UBR3: variants seen among roughly 807,000 people sequenced by gnomAD.
UBR3 encodes the protein ubiquitin protein ligase E3 component n-recognin 3, also known as E3 ubiquitin-protein ligase UBR3.
A neutral mutation model predicts 243.2 loss-of-function variants in UBR3; 85 were observed. The ratio of observed to expected loss-of-function variants is 0.35; its 90% CI spans 0.29 to 0.42. The LOEUF is 0.42. UBR3 is among the 10% of genes least tolerant of loss of function. The pLI is 1.00. For synonymous variants in UBR3, 748 were observed against 799.8 expected (o/e 0.94, Z 1.09); for missense variants, 1,686 against 2,300.8 (o/e 0.73, Z 5.47).
intron 28 of UBR3, 92 bp from the exon 29 acceptor site, chr2:170,008,712 C>T: frequency 1.6e-5 from 10 of 623,900 alleles, no homozygotes; most frequent in Admixed American, 3.6e-5. Flanking sequence ...TTTTAATTTC[C>T]TACTATGTTC....
At chr2:170,044,089 T>C (rs1209688947) in intron 32 of UBR3, among the ~76,000 whole-genome samples, 1 of 152,110 alleles carries the variant, frequency 6.6e-6, no homozygotes, top group East Asian at 1.9e-4. Flanking sequence ...GGTGGAGAGT[T>C]GGGGAGATAA....
At chr2:169,891,330 A>G in intron 6 of UBR3, 99 bp downstream of exon 6, 1 of 807,044 alleles carries the variant, frequency 1.2e-6, no homozygotes, top group Non-Finnish European at 2.0e-6. Context: ...CTGACATCAA[A>G]GCTGTTTGAA....
intron 33 of UBR3, among the ~76,000 whole-genome samples, chr2:170,060,003 A>G (rs2091425470): frequency 1.3e-5 from 2 of 152,356 alleles, no homozygotes; most frequent in East Asian, 1.9e-4. Flanking sequence ...GCACAGTAAC[A>G]TGAACGAAAC....
At chr2:170,066,509 C>T (rs1250871201) in intron 35 of UBR3, among the ~76,000 whole-genome samples, 1 of 71,516 alleles carries the variant, frequency 1.4e-5, no homozygotes. Flanking sequence ...TCATGATTAT[C>T]TAGCCCCCCC....
At chr2:169,851,851 A>C (rs1226666506) in intron 1 of UBR3, among the ~76,000 whole-genome samples, 2 of 149,926 alleles carry the variant, frequency 1.3e-5, no homozygotes, top group African/African-American at 2.4e-5. Context: ...AAAAAAAAAA[A>C]AAACAACAGT....
chr2:169,883,993 C>T (rs1309735638), intron 5 of UBR3, among the ~76,000 whole-genome samples: 3 of 151,962 alleles, frequency 2.0e-5, no homozygotes, highest in African/African-American at 7.3e-5. Flanking sequence ...CCACCACACC[C>T]AGCTAATTTT....
intron 10 of UBR3, among the ~76,000 whole-genome samples, chr2:169,908,806 G>A (rs2105335496): frequency 6.7e-6 from 1 of 149,926 alleles, no homozygotes; most frequent in East Asian, 2.0e-4. Context: ...ACCTTCAGTA[G>A]GAAAGTGATT....
At chr2:169,998,060 A>G (rs2089562156) in intron 26 of UBR3, among the ~76,000 whole-genome samples, 1 of 151,202 alleles carries the variant, frequency 6.6e-6, no homozygotes, top group African/African-American at 2.4e-5. Context: ...AATTTTTATC[A>G]TTTTTAATTA....
At chr2:169,878,500 C>T (rs1187090144) in intron 4 of UBR3, 25 bp from the exon 5 acceptor site, 2 of 1,545,900 alleles carry the variant, frequency 1.3e-6, no homozygotes, top group Non-Finnish European at 1.7e-6. Context: ...CTATGAAGGA[C>T]AACTATTTTT....
chr2:169,890,563 A>ATATATATATATGTGTG (rs1255881148), intron 5 of UBR3, among the ~76,000 whole-genome samples: 21 of 83,846 alleles, frequency 2.5e-4, no homozygotes, highest in East Asian at 6.0e-4. Context: ...ATATATATAT[A>ATATATATATATGTGTG]TGTGTATATA....
At position 170,042,267 on chromosome 2, in the gene UBR3, A is replaced by G. The variant is rs878930789; in HGVS notation, c.4660+1282A>G. The stretch of plus-strand genomic sequence containing the variant: ...GCTTCCTTCACTTAGCATGTTTTCA[A>G]GGTTTATCCATGTTATGGCATGTAT... On this transcript the variant is annotated intron_variant, in intron 32 of 38. Coordinates refer to ENST00000272793, the MANE Select transcript of UBR3 (RefSeq NM_172070.4). 7.9e-5 allele frequency among the ~76,000 whole-genome samples: 12 copies of G among 152,040 alleles called. 1 individual carries two copies. The highest frequency in any genetic ancestry group is 7.9e-4 in the Admixed American group (12 of 15,256).
At chr2:169,868,634 A>C (rs1160443729) in intron 1 of UBR3, among the ~76,000 whole-genome samples, 1 of 151,980 alleles carries the variant, frequency 6.6e-6, no homozygotes, top group Non-Finnish European at 1.5e-5. Flanking sequence ...ATTCACTTTT[A>C]GTGATAATCA....
chr2:170,077,081 T>C, intron 36 of UBR3: 1 of 381,482 alleles, frequency 2.6e-6, no homozygotes, highest in Non-Finnish European at 5.1e-6. Context: ...GACCGAATTT[T>C]TTTTTCCATT....
chr2:169,918,882 C>G (rs1359018516), intron 11 of UBR3, among the ~76,000 whole-genome samples: 6 of 152,066 alleles, frequency 3.9e-5, no homozygotes, highest in Non-Finnish European at 8.8e-5. Flanking sequence ...ATAAAACAGT[C>G]CCTGACTTAA....
chr2:169,987,021 T>A (rs2089037267), intron 25 of UBR3, among the ~76,000 whole-genome samples: 1 of 152,144 alleles, frequency 6.6e-6, no homozygotes, highest in Non-Finnish European at 1.5e-5. Context: ...GGTTTCACAA[T>A]TTTTTTCTTT....
chr2:170,063,288 A>G (rs773979723), intron 35 of UBR3, among the ~76,000 whole-genome samples: 1 of 152,190 alleles, frequency 6.6e-6, no homozygotes, highest in Non-Finnish European at 1.5e-5. Flanking sequence ...TAATAGAAGG[A>G]GGAAATACAG....
intron 8 of UBR3, among the ~76,000 whole-genome samples, chr2:169,902,105 A>T (rs2084847291): frequency 6.6e-6 from 1 of 152,150 alleles, no homozygotes; most frequent in South Asian, 2.1e-4. Flanking sequence ...TCCACTGTCT[A>T]ACTATCTAAA....
chr2:170,007,593 AC>A (rs2089959661), intron 28 of UBR3, among the ~76,000 whole-genome samples: 2 of 152,164 alleles, frequency 1.3e-5, no homozygotes. Flanking sequence ...CCCCGTCTCT[AC>A]TAAAAATACA....
intron 30 of UBR3, among the ~76,000 whole-genome samples, chr2:170,027,327 T>C (rs1169407075): frequency 6.6e-6 from 1 of 151,196 alleles, no homozygotes; most frequent in Non-Finnish European, 1.5e-5. Flanking sequence ...TTAAAGATGA[T>C]ATAATATCAT....
Sources: gnomAD v4.1 joint callset for allele counts (sites outside exome capture counted in the v4.1 genomes callset) on GRCh38, gnomAD v4.1.1 for gene constraint, MANE v1.5 for transcripts, NCBI Gene and HGNC (gene_info 2026-07-23, HGNC 2026-07-21) for gene names.